OR9Q1: variants seen among roughly 807,000 people sequenced by gnomAD.
OR9Q1 encodes the protein olfactory receptor 9Q1.
For missense variants in OR9Q1, 374 were observed against 378.8 expected, an observed-to-expected ratio of 0.99 and a Z score of 0.11; for synonymous variants, 153 against 148.6, an observed-to-expected ratio of 1.03 and a Z score of -0.22.
intron 2 of OR9Q1, among the ~76,000 whole-genome samples, chr11:58,128,089 A>G (rs1854106229): frequency 6.6e-6 from 1 of 152,180 alleles, no homozygotes; most frequent in Non-Finnish European, 1.5e-5. Context: ...AGAAGAATGT[A>G]TACCAAACTG....
chr11:58,118,010 T>C (rs1440311024), intron 2 of OR9Q1: 2 of 152,558 alleles, frequency 1.3e-5, no homozygotes, highest in African/African-American at 4.8e-5. Context: ...GAGTTTTTCC[T>C]TATACAATAC....
At chr11:58,039,423 C>T (rs778846576) in intron 1 of OR9Q1, among the ~76,000 whole-genome samples, 10 of 152,168 alleles carry the variant, frequency 6.6e-5, no homozygotes, top group Admixed American at 1.3e-4. Context: ...AATCTCATTG[C>T]CCAGAAATGT....
At chr11:58,095,651 C>G (rs1356642867) in intron 2 of OR9Q1, among the ~76,000 whole-genome samples, 1 of 152,092 alleles carries the variant, frequency 6.6e-6, no homozygotes, top group Non-Finnish European at 1.5e-5. Context: ...CTCATGAGAA[C>G]TAGCTCACTA....
chr11:58,106,603 T>C (rs1378120011), intron 2 of OR9Q1, among the ~76,000 whole-genome samples: 15 of 152,142 alleles, frequency 9.9e-5, no homozygotes, highest in Admixed American at 9.8e-4. Context: ...TTCTCCTATT[T>C]TGTTTAGGAG....
At chr11:58,132,732 G>T (rs1352565423) in intron 2 of OR9Q1, among the ~76,000 whole-genome samples, 1 of 152,142 alleles carries the variant, frequency 6.6e-6, no homozygotes, top group Non-Finnish European at 1.5e-5. Flanking sequence ...TATGGAGGAG[G>T]CCGCCAGACA....
At chr11:58,151,097 C>T (rs983474994) in intron 2 of OR9Q1, among the ~76,000 whole-genome samples, 4 of 152,186 alleles carry the variant, frequency 2.6e-5, no homozygotes, top group Admixed American at 2.6e-4. Context: ...GGGTATGCCA[C>T]ATGCAAGTTA....
At chr11:58,081,789 GTTTC>G (rs1157911862) in intron 2 of OR9Q1, among the ~76,000 whole-genome samples, 1 of 102,092 alleles carries the variant, frequency 9.8e-6, no homozygotes, top group African/African-American at 3.2e-5. Flanking sequence ...TCTGATGATA[GTTTC>G]TTTTTTTTTT....
chr11:58,038,906 G>A lies in OR9Q1; in HGVS notation c.-93+14802G>A, dbSNP rs533346369. Among the ~76,000 whole-genome samples, 10 of 152,168 alleles carry A rather than the reference G, an allele frequency of 6.6e-5. No individual in the cohort carries two copies. In the South Asian group the frequency reaches 2.1e-3, roughly 32 times the overall value. ...CCTTAGCAACTGATTTTTAGGGTGT[G>A]TCTGTCAAAATGTTGGCTTTGGCTG... On this transcript the variant is annotated intron_variant, in intron 1 of 2. Transcript: ENST00000335397.
chr11:58,067,436 G>A (rs1260153115), intron 2 of OR9Q1, among the ~76,000 whole-genome samples: 2 of 152,196 alleles, frequency 1.3e-5, no homozygotes, highest in African/African-American at 4.8e-5. Context: ...CCCTCTCTGT[G>A]ATGGGAAAAT....
chr11:58,028,234 G>T (rs1565052614), intron 1 of OR9Q1, among the ~76,000 whole-genome samples: 1 of 152,182 alleles, frequency 6.6e-6, no homozygotes, highest in Non-Finnish European at 1.5e-5. Context: ...GATGCTGGGG[G>T]CATCTGTACC....
intron 1 of OR9Q1, among the ~76,000 whole-genome samples, chr11:58,048,529 G>A (rs1222313323): frequency 6.6e-6 from 1 of 151,018 alleles, no homozygotes; most frequent in African/African-American, 2.4e-5. Context: ...GGGCATGGTG[G>A]CACATGCTGT....
intron 2 of OR9Q1, among the ~76,000 whole-genome samples, chr11:58,125,692 A>C (rs1345918749): frequency 6.6e-6 from 1 of 152,164 alleles, no homozygotes; most frequent in African/African-American, 2.4e-5. Flanking sequence ...ACTCCAGAGA[A>C]TAGCCGGCCC....
intron 1 of OR9Q1, among the ~76,000 whole-genome samples, chr11:58,039,273 G>A (rs1590549239): frequency 6.6e-6 from 1 of 152,222 alleles, no homozygotes; most frequent in East Asian, 1.9e-4. Context: ...ACTAGCGTGA[G>A]CCACTGCGCC....
intron 2 of OR9Q1, among the ~76,000 whole-genome samples, chr11:58,165,953 A>G (rs377193129): frequency 6.6e-6 from 1 of 152,208 alleles, no homozygotes; most frequent in African/African-American, 2.4e-5. Context: ...ACTGCTACCC[A>G]GGTTTCTCTA....
At chr11:58,116,863 A>G (rs769149737) in intron 2 of OR9Q1, 4 of 152,250 alleles carry the variant, frequency 2.6e-5, no homozygotes, top group Non-Finnish European at 5.9e-5. Context: ...AAAGCTGGGT[A>G]GAGGAGTTCA....
chr11:58,048,398 G>T (rs1340166787), intron 1 of OR9Q1, among the ~76,000 whole-genome samples: 1 of 151,798 alleles, frequency 6.6e-6, no homozygotes, highest in Non-Finnish European at 1.5e-5. Flanking sequence ...GCTGGCCATG[G>T]TGGCTCACGC....
intron 2 of OR9Q1, among the ~76,000 whole-genome samples, chr11:58,132,661 G>A (rs777679552): frequency 3.9e-5 from 6 of 152,148 alleles, no homozygotes; most frequent in Non-Finnish European, 8.8e-5. Context: ...TTGGGTTGAT[G>A]ACAACTCCTC....
chr11:58,091,190 C>A (rs180940398), intron 2 of OR9Q1, among the ~76,000 whole-genome samples: 2 of 151,944 alleles, frequency 1.3e-5, no homozygotes, highest in Admixed American at 1.3e-4. Flanking sequence ...TGCTAGCTTT[C>A]GAATGTGTTT....
In OR9Q1 at chr11:58,061,829, G is replaced by T. The variant is rs528940497; in HGVS notation, c.-15+5882G>T. Reference sequence around the variant, plus strand: ...GCATATGTTAAGCATTGAGGTGCCAGCGGTGGTTACAATCTGCTCTGTAGC... The same window carrying T: ...GCATATGTTAAGCATTGAGGTGCCATCGGTGGTTACAATCTGCTCTGTAGC... On this transcript the variant is annotated intron_variant, in intron 2 of 2. Transcript: ENST00000335397. Among the ~76,000 whole-genome samples, 54 of 152,350 alleles carry T rather than the reference G, an allele frequency of 3.5e-4. 1 individual carries two copies. The highest frequency in any genetic ancestry group is 1.0e-3 in the African/African-American group (43 of 41,586).
Sources: allele counts gnomAD v4.1 joint callset (sites outside exome capture counted in the v4.1 genomes callset), GRCh38; gene constraint gnomAD v4.1.1; transcripts MANE v1.5; gene names NCBI Gene and HGNC (gene_info 2026-07-23, HGNC 2026-07-21).